Variants in TECRL observed in about 807,000 individuals in gnomAD.
TECRL encodes trans-2,3-enoyl-CoA reductase like.
A neutral mutation model predicts 52.8 loss-of-function variants in TECRL; 63 were observed. The ratio of observed to expected loss-of-function variants is 1.19; its 90% CI spans 0.97 to 1.47. The LOEUF (loss-of-function observed/expected upper bound fraction) is 1.47. Ranked by LOEUF, TECRL falls within the 40% of genes most tolerant of loss-of-function variation. TECRL has a pLI of 0.00. For synonymous variants in TECRL, 164 were observed against 141.9 expected (o/e 1.16, Z -1.10); for missense variants, 482 against 429.6 (o/e 1.12, Z -1.08).
rs1722744492 is a variant in TECRL, at chr4:64,280,142, T to C, written c.1022A>G (p.His341Arg). The C allele has an allele frequency of 1.2e-6, 2 of 1,603,900 alleles. No homozygotes were observed. The highest frequency in any genetic ancestry group is 2.3e-5 in the East Asian group (1 of 44,432). Residue 341 changes from histidine (H) to arginine (R), a missense_variant, in exon 12 of 12, where the codon CAT becomes CGT. Physicochemically the swap from His to Arg is conservative, Grantham distance 29. Transcript: ENST00000381210. ...IQMSLWAQKK[H>R]KIYLRKFNSY... is the part of the protein sequence containing the mutation. ...ATTGAATTTTCTCAGATAAATCTTA[T>C]GTTTCTTTTGTGCCCACAAAGACAT...
At chr4:64,308,931 A>T (rs1019896660) in intron 6 of TECRL, among the ~76,000 whole-genome samples, 2 of 152,232 alleles carry the variant, frequency 1.3e-5, no homozygotes, top group African/African-American at 4.8e-5. Context: ...TATCAATTGC[A>T]TAAGATACAC....
intron 8 of TECRL, among the ~76,000 whole-genome samples, chr4:64,296,740 T>C (rs1431933938): frequency 6.6e-6 from 1 of 151,730 alleles, no homozygotes; most frequent in African/African-American, 2.4e-5. Context: ...TTGGTATTTT[T>C]ATTTGTTGGC....
At chr4:64,404,120 C>G (rs1724552295) in intron 1 of TECRL, among the ~76,000 whole-genome samples, 1 of 149,932 alleles carries the variant, frequency 6.7e-6, no homozygotes, top group Non-Finnish European at 1.5e-5. Flanking sequence ...CTACTGTTTT[C>G]TGAGGACAAT....
Position 64,357,469 on chromosome 4 carries a change from G to A in TECRL, c.286+17703C>T, listed in dbSNP as rs555390254. On this transcript the variant is annotated intron_variant, in intron 2 of 11. Coordinates refer to ENST00000381210, the MANE Select transcript of TECRL (RefSeq NM_001010874.5). ...AAATCATGTTACAAAATAAATGATC[G>A]TGGAAACAATTTTTAAAGTAGAATT... Among the ~76,000 whole-genome samples the A allele has an allele frequency of 5.3e-5, 8 of 151,508 alleles. No homozygotes were observed. In the East Asian group the frequency reaches 9.7e-4, roughly 18 times the overall value.
chr4:64,403,504 T>C (rs868600298), intron 1 of TECRL, among the ~76,000 whole-genome samples: 1,626 of 92,586 alleles, frequency 0.018, 34 homozygotes, highest in African/African-American at 0.053. Flanking sequence ...CACACACACA[T>C]AGACTTAGTA....
intron 9 of TECRL, among the ~76,000 whole-genome samples, chr4:64,285,850 A>G (rs1166528638): frequency 6.6e-6 from 1 of 152,040 alleles, no homozygotes; most frequent in Non-Finnish European, 1.5e-5. Flanking sequence ...ATCATGTGGA[A>G]GCTTAAAAGG....
At chr4:64,309,709 C>G in intron 6 of TECRL, 117 bp downstream of exon 6, 1 of 735,980 alleles carries the variant, frequency 1.4e-6, no homozygotes, top group Non-Finnish European at 2.4e-6. Context: ...TTTAAGTATG[C>G]TTATGCAATT....
intron 2 of TECRL, among the ~76,000 whole-genome samples, chr4:64,360,785 A>G (rs1685750006): frequency 6.6e-6 from 1 of 151,966 alleles, no homozygotes; most frequent in South Asian, 2.1e-4. Context: ...GGAATGGCCT[A>G]CTCTCACTAT....
chr4:64,320,899 A>G (rs1194994600), intron 4 of TECRL, among the ~76,000 whole-genome samples: 2 of 152,120 alleles, frequency 1.3e-5, no homozygotes, highest in Admixed American at 1.3e-4. Context: ...ACAAGAATTC[A>G]TAAGGTTCTA....
chr4:64,299,901 TCAGATA>T, intron 8 of TECRL, 67 bp downstream of exon 8: 1 of 747,274 alleles, frequency 1.3e-6, no homozygotes, highest in Non-Finnish European at 2.1e-6. Flanking sequence ...TGACAAATCT[TCAGATA>T]CAGTCTGTTT....
intron 2 of TECRL, among the ~76,000 whole-genome samples, chr4:64,368,204 A>G (rs1721734701): frequency 1.3e-5 from 2 of 152,152 alleles, no homozygotes; most frequent in African/African-American, 4.8e-5. Flanking sequence ...CAAAAAATGA[A>G]TTCATGAATA....
At chr4:64,376,432 A>G (rs1250217264) in intron 1 of TECRL, among the ~76,000 whole-genome samples, 1 of 151,978 alleles carries the variant, frequency 6.6e-6, no homozygotes, top group Non-Finnish European at 1.5e-5. Context: ...GAAAGATGTT[A>G]GAAAAAAATT....
chr4:64,303,759 A>T lies in TECRL; in HGVS notation c.730+1407T>A, dbSNP rs111273974. Among the ~76,000 whole-genome samples the T allele has an allele frequency of 8.5e-3, 1,297 of 151,936 alleles. 18 individuals carry two copies. Among genetic ancestry groups the T allele is most frequent in the African/African-American group, 0.029 (1,217 of 41,538 alleles). ...TATCATATACTGTTGTAGAAGTCAC[A>T]TTATTATTTAGCATGATTTAACTAA... is the stretch of plus-strand genomic sequence containing the variant. On this transcript the variant is annotated intron_variant, in intron 7 of 11. Transcript: ENST00000381210.
chr4:64,369,168 GAC>G (rs1278991077), intron 2 of TECRL, among the ~76,000 whole-genome samples: 3 of 152,118 alleles, frequency 2.0e-5, no homozygotes, highest in Admixed American at 6.6e-5. Context: ...AAATGTTTAT[GAC>G]ACAGAGTCAG....
At chr4:64,283,557 T>A (rs772326649) in intron 9 of TECRL, among the ~76,000 whole-genome samples, 1 of 152,050 alleles carries the variant, frequency 6.6e-6, no homozygotes, top group African/African-American at 2.4e-5. Flanking sequence ...CAAGTGGGAC[T>A]GAATGGCTCA....
chr4:64,278,649 G>A lies in TECRL; in HGVS notation c.*1423C>T, dbSNP rs1722668812. The A allele has an allele frequency of 1.3e-5, 2 of 152,096 alleles. No homozygotes were observed. The highest frequency in any genetic ancestry group is 6.6e-5 in the Admixed American group (1 of 15,242). 9.4% of individuals were successfully genotyped at this position (152,096 alleles called of 1,614,324 possible). A position where few individuals can be genotyped will look rare whatever the true frequency, so the allele number is the denominator to read the frequency against. On this transcript the variant is annotated 3_prime_UTR_variant, in exon 12 of 12. Transcript: ENST00000381210. ...TCCTTTTAGCTATTTGAAACTAAAT[G>A]GAATATAATGTTCTTAACTATAGTC... is the stretch of plus-strand genomic sequence containing the variant.
intron 2 of TECRL, among the ~76,000 whole-genome samples, chr4:64,355,774 A>G (rs28374050): frequency 0.65 from 92,464 of 141,666 alleles, 31,630 homozygotes; most frequent in Non-Finnish European, 0.75. Flanking sequence ...CAGCCTGGGC[A>G]ACAGAGTGAG....
intron 1 of TECRL, among the ~76,000 whole-genome samples, chr4:64,387,353 A>G (rs1723248540): frequency 6.6e-6 from 1 of 152,114 alleles, no homozygotes; most frequent in Admixed American, 6.6e-5. Flanking sequence ...GCAATTGTGG[A>G]TGCAGCTGCC....
Position 64,328,581 on chromosome 4 carries a change from A to G in TECRL, c.287-25T>C, listed in dbSNP as rs201818299. ...CCTATTCAATGAAAAATAACATTTA[A>G]TTGTCAGAAAAAGTGTAACTATAGC... On this transcript the variant is annotated intron_variant, in intron 2 of 11. Coordinates refer to ENST00000381210, the MANE Select transcript of TECRL (RefSeq NM_001010874.5). 24 of 1,602,658 alleles carry G rather than the reference A, an allele frequency of 1.5e-5. No individual in the cohort carries two copies. The Admixed American group carries it at 2.0e-4, about 14-fold the overall frequency.
Sources: allele counts gnomAD v4.1 joint callset (sites outside exome capture counted in the v4.1 genomes callset), GRCh38; gene constraint gnomAD v4.1.1; transcripts MANE v1.5; gene names NCBI Gene and HGNC (gene_info 2026-07-23, HGNC 2026-07-21).